NCKAP5: variants seen among roughly 807,000 people sequenced by gnomAD.
NCKAP5 encodes the protein nck-associated protein 5.
Under a neutral mutation model 167.0 loss-of-function variants are expected in NCKAP5, and 92 were observed. The observed-to-expected ratio is 0.55, with a 90% CI of 0.47 to 0.66. NCKAP5 has a LOEUF of 0.66. Ranked by LOEUF, NCKAP5 falls within the 30% of genes least tolerant of loss-of-function variation. The pLI, the probability that NCKAP5 is intolerant of heterozygous loss-of-function variation, is 0.00. For synonymous variants in NCKAP5, 891 were observed against 877.4 expected, an observed-to-expected ratio of 1.02 and a Z score of -0.27; for missense variants, 2,378 against 2,315.0, an observed-to-expected ratio of 1.03 and a Z score of -0.56.
chr2:132,986,023 C>T (rs945396624), intron 7 of NCKAP5, among the ~76,000 whole-genome samples: 4 of 151,836 alleles, frequency 2.6e-5, no homozygotes, highest in African/African-American at 9.7e-5. Flanking sequence ...GTACTCACTG[C>T]CGATCTACAT....
chr2:133,039,116 A>G (rs914488357), intron 6 of NCKAP5, among the ~76,000 whole-genome samples: 2 of 152,158 alleles, frequency 1.3e-5, no homozygotes, highest in African/African-American at 2.4e-5. Flanking sequence ...CCAGCATAGG[A>G]GTCCTACCCA....
At chr2:132,702,784 C>A (rs756147545) in intron 19 of NCKAP5, among the ~76,000 whole-genome samples, 3 of 152,192 alleles carry the variant, frequency 2.0e-5, no homozygotes, top group African/African-American at 7.2e-5. Context: ...GATTTCCAAA[C>A]CTCCCATCAC....
chr2:133,622,963 A>G, the NCKAP5 span, among the ~76,000 whole-genome samples: 2 of 134,574 alleles, frequency 1.5e-5, no homozygotes, highest in African/African-American at 2.6e-5. Flanking sequence ...ACATAGACCA[A>G]TGCAACAGAC....
At chr2:133,101,770 A>T (rs1027869143) in intron 6 of NCKAP5, among the ~76,000 whole-genome samples, 1 of 152,244 alleles carries the variant, frequency 6.6e-6, no homozygotes, top group Non-Finnish European at 1.5e-5. Context: ...GATGTAATTG[A>T]AAGACTGTTC....
chr2:133,373,545 T>G (rs1393836544), intron 3 of NCKAP5, among the ~76,000 whole-genome samples: 1 of 152,196 alleles, frequency 6.6e-6, no homozygotes, highest in Non-Finnish European at 1.5e-5. Context: ...AGTTATTTTG[T>G]GCATAATGAC....
At chr2:133,659,002 TA>T in the NCKAP5 span, among the ~76,000 whole-genome samples, 2 of 152,128 alleles carry the variant, frequency 1.3e-5, no homozygotes, top group East Asian at 3.9e-4. Flanking sequence ...ATTTAATTTT[TA>T]AAAATTTAAA....
chr2:132,683,264 C>T (rs548499103), intron 19 of NCKAP5, among the ~76,000 whole-genome samples: 7 of 83,910 alleles, frequency 8.3e-5, no homozygotes, highest in Admixed American at 5.2e-4. Flanking sequence ...TTGAATAGAA[C>T]CTAAAAAAAA....
intron 11 of NCKAP5, among the ~76,000 whole-genome samples, chr2:132,805,317 G>T (rs570676711): frequency 6.6e-6 from 1 of 152,276 alleles, no homozygotes; most frequent in African/African-American, 2.4e-5. Flanking sequence ...TGGACAGTCT[G>T]ACTGCAGAGT....
chr2:132,983,325 C>G (rs2077195204), intron 7 of NCKAP5, among the ~76,000 whole-genome samples: 1 of 152,118 alleles, frequency 6.6e-6, no homozygotes, highest in African/African-American at 2.4e-5. Context: ...ATTGCTCTGG[C>G]AAGGACTTCC....
intron 2 of NCKAP5, among the ~76,000 whole-genome samples, chr2:133,550,348 AT>A (rs1687179195): frequency 1.3e-5 from 2 of 150,848 alleles, no homozygotes; most frequent in African/African-American, 4.9e-5. Context: ...AAAATCCTCA[AT>A]AAAATACTGG....
At position 132,868,985 on chromosome 2, in the gene NCKAP5, T is replaced by TAA; in HGVS notation, c.649-13_649-12dup. The TAA allele has an allele frequency of 6.5e-7, 1 of 1,531,428 alleles. No individual in the cohort carries two copies. Among genetic ancestry groups the TAA allele is most frequent in the Non-Finnish European group, 8.8e-7 (1 of 1,139,052 alleles). 94.9% of individuals were successfully genotyped at this position (1,531,428 alleles called of 1,614,324 possible). On this transcript the variant is annotated splice_polypyrimidine_tract_variant and intron_variant, in intron 9 of 19. Coordinates refer to ENST00000409261, the MANE Select transcript of NCKAP5 (RefSeq NM_207363.3). ...AACTTGGTTGGCTACCTTTAAAAAATAAAGAAAAAGTTGTCATTTATAATA... is the reference window on the plus strand; with the variant it reads ...AACTTGGTTGGCTACCTTTAAAAAATAAAAAGAAAAAGTTGTCATTTATAATA...
chr2:133,281,994 C>A (rs1372944693), intron 4 of NCKAP5, among the ~76,000 whole-genome samples: 1 of 152,160 alleles, frequency 6.6e-6, no homozygotes, highest in East Asian at 1.9e-4. Flanking sequence ...CATCCATCCT[C>A]AGAGGAGCAG....
chr2:132,967,020 T>C (rs148945843), intron 7 of NCKAP5, among the ~76,000 whole-genome samples: 1 of 152,326 alleles, frequency 6.6e-6, no homozygotes, highest in African/African-American at 2.4e-5. Flanking sequence ...CTTGGGTGAC[T>C]AATTTTTCAC....
rs942677231 is a variant in NCKAP5 at position 133,125,690 on chromosome 2, T to C, written c.341+4288A>G. ...CCTTATTGAAGTGCTCTCTCAACTG[T>C]GAAGGCTTAATTTGCAAGTACCTTT... On this transcript the variant is annotated intron_variant, in intron 6 of 19. Coordinates refer to ENST00000409261, the MANE Select transcript of NCKAP5 (RefSeq NM_207363.3). 5.3e-5 allele frequency among the ~76,000 whole-genome samples: 8 copies of C among 152,322 alleles called. No homozygotes were observed. The East Asian group carries it at 9.7e-4, about 18-fold the overall frequency.
At chr2:132,867,516 T>C (rs1324063891) in intron 10 of NCKAP5, among the ~76,000 whole-genome samples, 2 of 152,192 alleles carry the variant, frequency 1.3e-5, no homozygotes, top group East Asian at 1.9e-4. Context: ...CACAGAGATG[T>C]ATGTAGTAAT....
chr2:133,407,325 C>G (rs1204727360), intron 3 of NCKAP5, among the ~76,000 whole-genome samples: 1 of 152,164 alleles, frequency 6.6e-6, no homozygotes, highest in Non-Finnish European at 1.5e-5. Flanking sequence ...GCAGAGAAAC[C>G]AAACTAATCC....
chr2:133,145,208 A>AG, intron 5 of NCKAP5, among the ~76,000 whole-genome samples: 1 of 151,302 alleles, frequency 6.6e-6, no homozygotes, highest in Admixed American at 6.6e-5. Context: ...AGGTTGTAGC[A>AG]GAAAAAAAAA....
chr2:133,326,403 G>A lies in NCKAP5; in HGVS notation c.70-23293C>T, dbSNP rs898366256. 6.9e-5 allele frequency among the ~76,000 whole-genome samples: 10 copies of A among 145,012 alleles called. 2 individuals are homozygous for A. Among genetic ancestry groups the A allele is most frequent in the Non-Finnish European group, 1.5e-5 (1 of 67,244 alleles). On this transcript the variant is annotated intron_variant, in intron 3 of 19. Transcript: ENST00000409261. ...AGGGAGTTGGAGGTTGCAGTGAGCCGAGTTCACACCACTACTGCACTCCAG... is the reference window on the plus strand; with the variant it reads ...AGGGAGTTGGAGGTTGCAGTGAGCCAAGTTCACACCACTACTGCACTCCAG...
intron 3 of NCKAP5, among the ~76,000 whole-genome samples, chr2:133,354,412 T>A (rs1307754206): frequency 1.3e-5 from 2 of 151,982 alleles, no homozygotes; most frequent in African/African-American, 4.8e-5. Context: ...TGCACCACCA[T>A]GCCTGGCTCA....
Sources: allele counts gnomAD v4.1 joint callset (sites outside exome capture counted in the v4.1 genomes callset), GRCh38; gene constraint gnomAD v4.1.1; transcripts MANE v1.5; gene names NCBI Gene and HGNC (gene_info 2026-07-23, HGNC 2026-07-21).